Variants in OTOGL observed in about 807,000 individuals in gnomAD.
OTOGL encodes the protein otogelin like.
A neutral mutation model predicts 318.5 loss-of-function variants in OTOGL; 285 were observed. That is an observed-to-expected ratio of 0.89 (90% confidence interval 0.81 to 0.99). The LOEUF is 0.99. Among genes scored for constraint, OTOGL ranks in the 50% least tolerant of loss-of-function variants. The probability of loss-of-function intolerance (pLI) is 0.00; values close to 1 mark genes in which losing one functional copy is unlikely to be tolerated. For missense variants in OTOGL, 2,899 were observed against 2,845.6 expected, an observed-to-expected ratio of 1.02 and a Z score of -0.43; for synonymous variants, 987 against 936.5, an observed-to-expected ratio of 1.05 and a Z score of -0.99.
At chr12:80,168,709 C>G (rs1873991859) in intron 1 of OTOGL, among the ~76,000 whole-genome samples, 1 of 152,132 alleles carries the variant, frequency 6.6e-6, no homozygotes, top group Non-Finnish European at 1.5e-5. Context: ...GACTGTTTTC[C>G]TAATAGGGCA....
At chr12:80,241,405 A>G (rs1880366339) in intron 11 of OTOGL, among the ~76,000 whole-genome samples, 1 of 152,158 alleles carries the variant, frequency 6.6e-6, no homozygotes, top group East Asian at 1.9e-4. Flanking sequence ...TTAAAATTCT[A>G]TTCCCTATTT....
At chr12:80,281,622 T>G (rs1269091951) in intron 26 of OTOGL, among the ~76,000 whole-genome samples, 8 of 151,982 alleles carry the variant, frequency 5.3e-5, no homozygotes, top group Non-Finnish European at 1.2e-4. Flanking sequence ...GATTTCTGTG[T>G]CTATGTTAAT....
At chr12:80,210,573 A>G (rs908625724) in intron 2 of OTOGL, among the ~76,000 whole-genome samples, 1 of 152,114 alleles carries the variant, frequency 6.6e-6, no homozygotes, top group African/African-American at 2.4e-5. Flanking sequence ...GACTAGAACT[A>G]AAACTTGGAA....
chr12:80,295,156 A>ATTTTTTT (rs1565961509), intron 26 of OTOGL, among the ~76,000 whole-genome samples: 2 of 78,208 alleles, frequency 2.6e-5, no homozygotes, highest in Admixed American at 2.0e-4. Flanking sequence ...TGATTGCCGA[A>ATTTTTTT]CTTTTTTTTT....
chr12:80,149,700 C>G (rs1348680064), intron 1 of OTOGL, among the ~76,000 whole-genome samples: 2 of 152,216 alleles, frequency 1.3e-5, no homozygotes, highest in Non-Finnish European at 2.9e-5. Flanking sequence ...TCTCAGACTG[C>G]TGTGCTAGCA....
At chr12:80,250,138 G>C (rs935794163) in intron 11 of OTOGL, among the ~76,000 whole-genome samples, 2 of 152,156 alleles carry the variant, frequency 1.3e-5, no homozygotes, top group Admixed American at 6.5e-5. Context: ...TGTCGCTCAC[G>C]CTGGGAGCTG....
chr12:80,343,627 C>T (rs1383026979), intron 44 of OTOGL: 1 of 148,364 alleles, frequency 6.7e-6, no homozygotes, highest in African/African-American at 2.5e-5. Flanking sequence ...AAAGGCCGGT[C>T]CTCTGTCGTG....
chr12:80,159,740 GA>G (rs947441144), intron 1 of OTOGL, among the ~76,000 whole-genome samples: 17 of 151,658 alleles, frequency 1.1e-4, no homozygotes, highest in East Asian at 3.9e-4. Context: ...CACAGAACTA[GA>G]AAAAAAATCC....
In OTOGL at chr12:80,266,551, T is replaced by G. The variant is rs750751210; in HGVS notation, c.2325T>G (p.Cys775Trp). The G allele has an allele frequency of 7.4e-6, 12 of 1,613,474 alleles. No individual in the cohort carries two copies. The African/African-American group carries it at 1.1e-4, about 14-fold the overall frequency. Residue 775 changes from cysteine to tryptophan, a missense_variant, in exon 21 of 59, where the codon TGT (cysteine) becomes TGG (tryptophan). Physicochemically the swap from Cys to Trp is radical, Grantham distance 215 (BLOSUM62 -2). Around this residue, in one of 3 missense-constraint regions of OTOGL, gnomAD observed 2,607 missense variants for 2,524.9 expected, o/e 1.03. Coordinates refer to ENST00000547103, the MANE Select transcript of OTOGL (RefSeq NM_001378609.3). ...CCCCGGAGCAGTGCAGTGATGACTG[T>G]GCTGAAGGCTGTAATTGTCCGGAAG... ...LSSPEQCSDD[C>W]AEGCNCPEGK...
At chr12:80,338,214 A>T (rs1289109882) in intron 42 of OTOGL, among the ~76,000 whole-genome samples, 1 of 152,098 alleles carries the variant, frequency 6.6e-6, no homozygotes, top group Non-Finnish European at 1.5e-5. Context: ...TATGACCAAG[A>T]TATCATAGAA....
chr12:80,108,515 CT>C (rs567548393), intron 1 of OTOGL, among the ~76,000 whole-genome samples: 1 of 151,186 alleles, frequency 6.6e-6, no homozygotes, highest in African/African-American at 2.4e-5. Flanking sequence ...TTCATTGTTA[CT>C]TTTTTTTCTC....
intron 28 of OTOGL, 57 bp from the exon 29 acceptor site, chr12:80,305,519 G>T (rs946327177): frequency 1.4e-5 from 18 of 1,304,604 alleles, no homozygotes; most frequent in Non-Finnish European, 1.8e-5. Context: ...ATGAATATGA[G>T]TCTTTAAATG....
At chr12:80,288,564 A>C (rs1221551813) in intron 26 of OTOGL, among the ~76,000 whole-genome samples, 1 of 152,052 alleles carries the variant, frequency 6.6e-6, no homozygotes, top group Non-Finnish European at 1.5e-5. Context: ...CTTTTCACAT[A>C]GTCCCATATT....
chr12:80,322,824 C>T (rs1471744354), intron 34 of OTOGL, among the ~76,000 whole-genome samples: 3 of 152,108 alleles, frequency 2.0e-5, no homozygotes, highest in Non-Finnish European at 4.4e-5. Context: ...TACAAGGCAA[C>T]GTGCTAAGTT....
At chr12:80,138,102 A>T (rs1191187848) in intron 1 of OTOGL, among the ~76,000 whole-genome samples, 1 of 152,158 alleles carries the variant, frequency 6.6e-6, no homozygotes, top group Non-Finnish European at 1.5e-5. Flanking sequence ...TTTTTAGACA[A>T]TCACACATGC....
At chr12:80,297,121 T>C (rs1366273041) in intron 27 of OTOGL, among the ~76,000 whole-genome samples, 160 bp downstream of exon 27, 2 of 152,160 alleles carry the variant, frequency 1.3e-5, no homozygotes, top group Admixed American at 6.5e-5. Flanking sequence ...GCTTGACTTC[T>C]CTCTTCTTAC....
At position 80,238,942 on chromosome 12, in the gene OTOGL, T is replaced by C; in HGVS notation, c.909T>C (p.Phe303=). 1 of 1,597,238 alleles carries C rather than the reference T, an allele frequency of 6.3e-7. No individual in the cohort carries two copies. Among genetic ancestry groups the C allele is most frequent in the Admixed American group, 1.7e-5 (1 of 59,658 alleles). The stretch of plus-strand genomic sequence containing the variant: ...AATGTGTACTCACACCCTCAGATTT[T>C]CCAAATCCGTGCTCCAGTGGAATGC... ...DTKCVLTPSD[F]PNPCSSGMPA... The change falls in exon 10 of 59, where the codon TTT becomes TTC. Residue 303 remains phenylalanine, a synonymous_variant. Coordinates refer to ENST00000547103, the MANE Select transcript of OTOGL (RefSeq NM_001378609.3).
chr12:80,265,302 C>A, intron 20 of OTOGL, 92 bp downstream of exon 20: 2 of 1,199,282 alleles, frequency 1.7e-6, no homozygotes, highest in South Asian at 1.4e-5. Flanking sequence ...AATGAAATGT[C>A]AATATTGCAT....
chr12:80,117,233 G>A (rs142185084), intron 1 of OTOGL, among the ~76,000 whole-genome samples: 1 of 145,010 alleles, frequency 6.9e-6, no homozygotes, highest in African/African-American at 2.6e-5. Context: ...CTATAAAATA[G>A]AGGCGATAAG....
Sources: allele counts gnomAD v4.1 joint callset (sites outside exome capture counted in the v4.1 genomes callset), GRCh38; gene constraint gnomAD v4.1.1; regional missense constraint gnomAD v4.1.1; transcripts MANE v1.5; gene names NCBI Gene and HGNC (gene_info 2026-07-23, HGNC 2026-07-21).